Variants in ZNF253 observed in about 807,000 individuals in gnomAD.
ZNF253 encodes zinc finger protein 253.
ZNF253 carries 8 observed loss-of-function variants against 11.9 expected under a neutral mutation model. The observed-to-expected ratio is 0.67, with a 90% confidence interval of 0.40 to 1.22. The LOEUF (loss-of-function observed/expected upper bound fraction) is 1.22. ZNF253 is among the 50% of genes most tolerant of loss of function. The pLI is 0.01. For missense variants in ZNF253, 485 were observed against 586.9 expected, an observed-to-expected ratio of 0.83 and a Z score of 1.79; for synonymous variants, 194 against 194.9, an observed-to-expected ratio of 1.00 and a Z score of 0.04.
In ZNF253 at chr19:19,891,655, G is replaced by A; in HGVS notation, c.408G>A (p.Leu136=). The part of the protein sequence containing the change: ...KGGYNGLNQC[L]TTTQKEIFQC... ...GTTATAATGGACTTAACCAATGTTT[G>A]ACAACTACCCAGAAAGAAATATTTC... The change falls in exon 4 of 4, where the codon TTG becomes TTA. Residue 136 remains leucine (L), a synonymous_variant. Transcript: ENST00000589717. 12 of 1,614,084 alleles carry A rather than the reference G, an allele frequency of 7.4e-6. No homozygotes were observed. The highest frequency in any genetic ancestry group is 9.3e-6 in the Non-Finnish European group (11 of 1,179,994).
At position 19,891,571 on chromosome 19, in the gene ZNF253, C is replaced by T. The variant is rs768605110; in HGVS notation, c.324C>T (p.Asp108=). The change falls in exon 4 of 4, where the codon GAC becomes GAT. Residue 108 remains aspartate, a synonymous_variant. Transcript: ENST00000589717. ...MLRRYEECRH[D]NLQLKKGCKS... is the part of the protein sequence containing the mutation. ...GAAGATATGAAGAATGCAGACATGA[C>T]AATTTACAGTTAAAAAAAGGCTGTA... is the stretch of plus-strand genomic sequence containing the variant. 4.3e-6 allele frequency: 7 copies of T among 1,613,808 alleles called. No individual in the cohort carries two copies. In the Admixed American group the frequency reaches 8.3e-5, roughly 19 times the overall value.
chr19:19,890,754 C>T (rs1239500774), intron 3 of ZNF253, among the ~76,000 whole-genome samples: 2 of 151,682 alleles, frequency 1.3e-5, no homozygotes, highest in African/African-American at 4.8e-5. Context: ...GTCTCCTCAC[C>T]TTAGGTGATC....
chr19:19,877,638 G>C (rs923347243), intron 1 of ZNF253, among the ~76,000 whole-genome samples: 5 of 152,102 alleles, frequency 3.3e-5, no homozygotes, highest in African/African-American at 1.2e-4. Flanking sequence ...GCCTCCCAAA[G>C]TGCTGAAATT....
intron 3 of ZNF253, among the ~76,000 whole-genome samples, chr19:19,889,171 A>C (rs759542010): frequency 6.6e-6 from 1 of 151,328 alleles, no homozygotes; most frequent in Non-Finnish European, 1.5e-5. Flanking sequence ...TCATGTTTAC[A>C]TTATTTTTTC....
chr19:19,880,534 G>A (rs530938064), intron 3 of ZNF253, among the ~76,000 whole-genome samples: 59 of 152,046 alleles, frequency 3.9e-4, no homozygotes, highest in Non-Finnish European at 7.2e-4. Context: ...GTGAAACTCC[G>A]TTTCTACTAA....
rs922154760 is a variant in ZNF253, at chr19:19,865,923, G to A, written c.-74G>A. 2.5e-6 allele frequency: 4 copies of A among 1,591,908 alleles called. No individual in the cohort carries two copies. The African/African-American group carries it at 5.4e-5, about 21-fold the overall frequency. On this transcript the variant is annotated 5_prime_UTR_variant, in exon 1 of 4. Coordinates refer to ENST00000589717, the MANE Select transcript of ZNF253 (RefSeq NM_021047.3). ...CTGTGTCCTGTGCTTATAGAGGCCC[G>A]TCCTCTGTGGCCGTGTGACCTGCAA...
chr19:19,885,326 C>CTTTT (rs1336779849), intron 3 of ZNF253, among the ~76,000 whole-genome samples: 1 of 71,770 alleles, frequency 1.4e-5, no homozygotes, highest in East Asian at 6.2e-4. Flanking sequence ...TTCTTTCTTT[C>CTTTT]TTTCTTTCTT....
In ZNF253 at chr19:19,891,867, A is replaced by T; in HGVS notation, c.620A>T (p.Lys207Ile). 1.9e-6 allele frequency: 3 copies of T among 1,614,182 alleles called. No individual in the cohort carries two copies. In the South Asian group the frequency reaches 3.3e-5, roughly 18 times the overall value. ...CCTTACAGATGTGAAGAATGTGGCAAAGCTTTTAACCAATCTGCAAACCTT... is the reference window on the plus strand; with the variant it reads ...CCTTACAGATGTGAAGAATGTGGCATAGCTTTTAACCAATCTGCAAACCTT... ...EKPYRCEECG[K>I]AFNQSANLTT... The change falls in exon 4 of 4, where the codon AAA (lysine) becomes ATA (isoleucine). Residue 207 changes from lysine (K) to isoleucine (I), a missense_variant. Coordinates refer to ENST00000589717, the MANE Select transcript of ZNF253 (RefSeq NM_021047.3).
chr19:19,892,489 TAAAAG>T lies in ZNF253; in HGVS notation c.1245_1249del (p.Lys415AsnfsTer11), dbSNP rs759391599. The T allele has an allele frequency of 8.1e-6, 13 of 1,613,834 alleles. No individual in the cohort carries two copies. Among genetic ancestry groups the T allele is most frequent in the Non-Finnish European group, 1.1e-5 (13 of 1,179,964 alleles). On this transcript the variant is annotated frameshift_variant, in exon 4 of 4. Coordinates refer to ENST00000589717, the MANE Select transcript of ZNF253 (RefSeq NM_021047.3). LOFTEE classifies it low-confidence loss of function (END_TRUNC). ...CCTGGCCCTCAATCCTCTCCAAACA[TAAAAG>T]AACTCATACTGGAGAGAAACCCTAC...
rs1445347705 is a variant in ZNF253 at position 19,892,199 on chromosome 19, G to C, written c.952G>C (p.Gly318Arg). The change falls in exon 4 of 4, where the codon GGC becomes CGC. Residue 318 changes from glycine to arginine, a missense_variant. By Grantham distance (125) the Gly-to-Arg change is moderately radical. Transcript: ENST00000589717. ...RGKPYNCEEC[G>R]KSFKHCSNLT... The stretch of plus-strand genomic sequence containing the variant: ...GAAACCCTACAACTGTGAAGAATGT[G>C]GCAAATCCTTTAAGCACTGCTCTAA... 1 of 1,613,496 alleles carries C rather than the reference G, an allele frequency of 6.2e-7. No individual in the cohort carries two copies. The highest frequency in any genetic ancestry group is 8.5e-7 in the Non-Finnish European group (1 of 1,179,868).
At chr19:19,887,224 C>G (rs983958095) in intron 3 of ZNF253, among the ~76,000 whole-genome samples, 1 of 151,554 alleles carries the variant, frequency 6.6e-6, no homozygotes, top group African/African-American at 2.4e-5. Flanking sequence ...AAATGAGTCT[C>G]TTGTAGGCAG....
chr19:19,866,141 C>T, intron 1 of ZNF253, 142 bp downstream of exon 1: 1 of 1,112,734 alleles, frequency 9.0e-7, no homozygotes, highest in Non-Finnish European at 1.3e-6. Context: ...GCCTCAGTCC[C>T]CTTCAGCCAT....
chr19:19,868,243 T>C (rs2063119447), intron 1 of ZNF253, among the ~76,000 whole-genome samples: 1 of 152,122 alleles, frequency 6.6e-6, no homozygotes, highest in Non-Finnish European at 1.5e-5. Context: ...TTGCTTTTGG[T>C]AGCTTCATCA....
Position 19,874,687 on chromosome 19 carries a change from G to A in ZNF253, c.4-3794G>A, listed in dbSNP as rs2063147432. On this transcript the variant is annotated intron_variant, in intron 1 of 3. Coordinates refer to ENST00000589717, the MANE Select transcript of ZNF253 (RefSeq NM_021047.3). ...AGCACTTTGGGAGGCCGAGGCAGGT[G>A]GATCACGAGGTCAGGAGATCGAGAC... Among the ~76,000 whole-genome samples, 4 of 152,046 alleles carry A rather than the reference G, an allele frequency of 2.6e-5. No homozygotes were observed. In the South Asian group the frequency reaches 8.3e-4, roughly 31 times the overall value.
In ZNF253 at chr19:19,880,142, C is replaced by G. The variant is rs77679830; in HGVS notation, c.222C>G (p.Pro74=). 3,035 of 1,601,932 alleles carry G rather than the reference C, an allele frequency of 1.9e-3. 97 individuals are homozygous for G. The East Asian group carries it at 0.06, about 32-fold the overall frequency. Residue 74 remains proline, a synonymous_variant, in exon 3 of 4, where the codon CCC becomes CCG. Transcript: ENST00000589717. The part of the protein sequence containing the change: ...TMERHEMIAK[P]PVMSSHFAQD... ...AAAGACATGAGATGATTGCCAAACCCCCAGGTAGGTACGAGTGAAAACGAA... is the reference window on the plus strand; with the variant it reads ...AAAGACATGAGATGATTGCCAAACCGCCAGGTAGGTACGAGTGAAAACGAA...
intron 3 of ZNF253, among the ~76,000 whole-genome samples, chr19:19,885,115 A>C (rs1352913442): frequency 6.6e-6 from 1 of 152,100 alleles, no homozygotes; most frequent in Non-Finnish European, 1.5e-5. Flanking sequence ...ATTTTGAAGT[A>C]TAGTGTAGTT....
rs1362112686 is a variant in ZNF253 at position 19,866,005 on chromosome 19, T to G, written c.3+6T>G. On this transcript the variant is annotated splice_donor_region_variant and intron_variant, in intron 1 of 3. Coordinates refer to ENST00000589717, the MANE Select transcript of ZNF253 (RefSeq NM_021047.3). ...CCCCTGGAAGCCTAGAAATGGTGAG[T>G]GCCGGGTCCAACGTCCCGAGAGAGG... 6.2e-7 allele frequency: 1 copy of G among 1,613,826 alleles called. No individual in the cohort carries two copies. Among genetic ancestry groups the G allele is most frequent in the African/African-American group, 1.3e-5 (1 of 74,848 alleles).
chr19:19,875,969 ATGT>A (rs2063154132), intron 1 of ZNF253, among the ~76,000 whole-genome samples: 1 of 152,196 alleles, frequency 6.6e-6, no homozygotes, highest in African/African-American at 2.4e-5. Context: ...ACATGTGTAC[ATGT>A]TGTTTTTTAA....
chr19:19,884,520 C>T (rs890423773), intron 3 of ZNF253, among the ~76,000 whole-genome samples: 3 of 151,924 alleles, frequency 2.0e-5, no homozygotes, highest in South Asian at 2.1e-4. Flanking sequence ...TACAGGTGCA[C>T]GTAACATCAC....
Sources: allele counts gnomAD v4.1 joint callset (sites outside exome capture counted in the v4.1 genomes callset), GRCh38; gene constraint gnomAD v4.1.1; transcripts MANE v1.5; gene names NCBI Gene and HGNC (gene_info 2026-07-23, HGNC 2026-07-21).